The following DGAT2L6 variants were observed in gnomAD, a reference collection of about 807,000 sequenced individuals.
The protein encoded by DGAT2L6 is diacylglycerol O-acyltransferase 2 like 6, also known as diacylglycerol O-acyltransferase 2-like protein 6.
Under a neutral mutation model 25.5 loss-of-function variants are expected in DGAT2L6, and 22 were observed. The ratio of observed to expected loss-of-function variants is 0.86; its 90% confidence interval spans 0.62 to 1.23. The LOEUF is 1.23. DGAT2L6 is among the 50% of genes most tolerant of loss of function. The probability of loss-of-function intolerance (pLI) is 0.00; values close to 1 mark genes in which losing one functional copy is unlikely to be tolerated. For synonymous variants in DGAT2L6, 100 were observed against 94.7 expected (o/e 1.06, Z -0.32); for missense variants, 287 against 253.2 (o/e 1.13, Z -0.91).
rs182636066 is a variant in DGAT2L6 at position 70,203,153 on chromosome X, G to A, written c.647+1089G>A. 1.1e-4 allele frequency among the ~76,000 whole-genome samples: 12 copies of A among 111,808 alleles called. No individual in the cohort carries two copies. The East Asian group carries it at 1.4e-3, about 13-fold the overall frequency. On this transcript the variant is annotated intron_variant, in intron 5 of 6. Transcript: ENST00000333026. The stretch of plus-strand genomic sequence containing the variant: ...TGACCATCTTGCTCTATTTTTTGCC[G>A]GTTACACTTATCTTCTTATAGCTCA...
In DGAT2L6 at chrX:70,205,210, G is replaced by C. The variant is rs2085425219; in HGVS notation, c.*104G>C. 1 of 908,059 alleles carries C rather than the reference G, an allele frequency of 1.1e-6. No individual in the cohort carries two copies. The highest frequency in any genetic ancestry group is 1.4e-6 in the Non-Finnish European group (1 of 690,495). The allele number at this position is 908,059 out of a possible 1,213,427, so 74.8% of individuals were successfully genotyped here. On this transcript the variant is annotated 3_prime_UTR_variant, in exon 7 of 7. Transcript: ENST00000333026. Reference sequence around the variant, plus strand: ...GGAGAGGGAAAGATCGTAAGGATGAGAGAGGAGACCATCCAAGCCAGAAAT... The same window carrying C: ...GGAGAGGGAAAGATCGTAAGGATGACAGAGGAGACCATCCAAGCCAGAAAT...
At chrX:70,178,125 G>A (rs1169817398) in intron 1 of DGAT2L6, among the ~76,000 whole-genome samples, 1 of 104,582 alleles carries the variant, frequency 9.6e-6, no homozygotes, top group Non-Finnish European at 1.9e-5. Flanking sequence ...GACAGAGCAA[G>A]ACTCCGTCTC....
intron 1 of DGAT2L6, among the ~76,000 whole-genome samples, chrX:70,182,469 CTTTTTTTTTTTTTT>C (rs1171530335): frequency 6.1e-5 from 3 of 49,137 alleles, no homozygotes; most frequent in African/African-American, 1.0e-4. Context: ...TCAAAAGCAT[CTTTTTTTTTTTTTT>C]TTTTTTTTTT....
At chrX:70,182,571 C>T (rs1438284227) in intron 1 of DGAT2L6, among the ~76,000 whole-genome samples, 6 of 102,866 alleles carry the variant, frequency 5.8e-5, no homozygotes, top group Non-Finnish European at 9.9e-5. Context: ...CCTCTGCCTC[C>T]CGGGTTCAAG....
chrX:70,195,224 CA>C (rs988224098), intron 1 of DGAT2L6, among the ~76,000 whole-genome samples: 8 of 111,246 alleles, frequency 7.2e-5, no homozygotes, highest in African/African-American at 2.6e-4. Flanking sequence ...TAGCTATTAT[CA>C]AAAAGACAAA....
intron 5 of DGAT2L6, among the ~76,000 whole-genome samples, chrX:70,203,962 G>A (rs751355732): frequency 1.4e-4 from 16 of 111,160 alleles, no homozygotes; most frequent in African/African-American, 4.9e-4. Flanking sequence ...CAAAAAGGCC[G>A]TAAGGAAGCA....
At chrX:70,198,236 T>C (rs1332747995) in intron 1 of DGAT2L6, among the ~76,000 whole-genome samples, 2 of 112,821 alleles carry the variant, frequency 1.8e-5, no homozygotes, top group Non-Finnish European at 3.7e-5. Flanking sequence ...TGCTGTAACA[T>C]GTATCGTGTT....
chrX:70,188,060 A>G (rs771007284), intron 1 of DGAT2L6, among the ~76,000 whole-genome samples: 1 of 112,245 alleles, frequency 8.9e-6, no homozygotes, highest in Non-Finnish European at 1.9e-5. Flanking sequence ...ACAGTTTTAC[A>G]TGATAAGTGT....
chrX:70,179,396 A>G (rs2085336218), intron 1 of DGAT2L6, among the ~76,000 whole-genome samples: 3 of 110,585 alleles, frequency 2.7e-5, no homozygotes, highest in Non-Finnish European at 5.7e-5. Context: ...GTCCTAAGAG[A>G]CTTGCTATTG....
intron 1 of DGAT2L6, among the ~76,000 whole-genome samples, chrX:70,181,590 C>A (rs1311061552): frequency 9.0e-6 from 1 of 111,577 alleles, no homozygotes; most frequent in Non-Finnish European, 1.9e-5. Flanking sequence ...TGATCTTGGG[C>A]TGTCCTTGCT....
chrX:70,200,129 G>A, intron 3 of DGAT2L6, 126 bp from the exon 4 acceptor site: 2 of 716,088 alleles, frequency 2.8e-6, no homozygotes, highest in Non-Finnish European at 4.2e-6. Context: ...TGACAATGAT[G>A]ACAACCTAGT....
chrX:70,185,606 A>G (rs749171916), intron 1 of DGAT2L6, among the ~76,000 whole-genome samples: 1 of 111,900 alleles, frequency 8.9e-6, no homozygotes, highest in Non-Finnish European at 1.9e-5. Context: ...TGGTCAATAC[A>G]TGGTATCAAG....
chrX:70,187,008 T>G (rs2085361629), intron 1 of DGAT2L6, among the ~76,000 whole-genome samples: 1 of 111,726 alleles, frequency 9.0e-6, no homozygotes, highest in African/African-American at 3.3e-5. Flanking sequence ...TGATTGTGCT[T>G]TTTAAAAATT....
intron 1 of DGAT2L6, among the ~76,000 whole-genome samples, chrX:70,185,862 T>TG (rs1180967238): frequency 9.6e-6 from 1 of 104,043 alleles, no homozygotes; most frequent in Non-Finnish European, 1.9e-5. Context: ...TTGTTTTTTT[T>TG]TTGTTTTGTT....
chrX:70,184,481 CAG>C (rs1355918814), intron 1 of DGAT2L6, among the ~76,000 whole-genome samples: 1 of 108,014 alleles, frequency 9.3e-6, no homozygotes, highest in East Asian at 2.9e-4. Context: ...TTTTTGGAGA[CAG>C]AGTCTTGCTC....
intron 1 of DGAT2L6, among the ~76,000 whole-genome samples, chrX:70,191,938 A>T (rs759474413): frequency 1.5e-4 from 17 of 111,754 alleles, no homozygotes; most frequent in African/African-American, 5.5e-4. Flanking sequence ...TCATTCATAA[A>T]TGAAGGAACA....
chrX:70,182,469 CTTTTT>C (rs1171530335), intron 1 of DGAT2L6, among the ~76,000 whole-genome samples: 8 of 49,135 alleles, frequency 1.6e-4, no homozygotes, highest in East Asian at 6.7e-4. Flanking sequence ...TCAAAAGCAT[CTTTTT>C]TTTTTTTTTT....
intron 1 of DGAT2L6, among the ~76,000 whole-genome samples, chrX:70,196,174 G>A (rs779681094): frequency 2.4e-4 from 27 of 110,875 alleles, no homozygotes; most frequent in Non-Finnish European, 9.4e-5. Context: ...ACTGTAAAAT[G>A]TTTAGTAGAA....
chrX:70,183,585 G>T (rs1303117531), intron 1 of DGAT2L6, among the ~76,000 whole-genome samples: 1 of 111,836 alleles, frequency 8.9e-6, no homozygotes, highest in African/African-American at 3.3e-5. Context: ...TATATTTCAT[G>T]CAAGACCAAG....
Sources: allele counts gnomAD v4.1 joint callset (sites outside exome capture counted in the v4.1 genomes callset), GRCh38; gene constraint gnomAD v4.1.1; transcripts MANE v1.5; gene names NCBI Gene and HGNC (gene_info 2026-07-23, HGNC 2026-07-21).